Variants in DMRT3 observed in about 807,000 individuals in gnomAD.
The protein encoded by DMRT3 is doublesex and mab-3 related transcription factor 3.
A neutral mutation model predicts 34.9 loss-of-function variants in DMRT3; 29 were observed. That is an observed-to-expected ratio of 0.83 (90% confidence interval 0.62 to 1.13). The LOEUF (loss-of-function observed/expected upper bound fraction) is 1.13, where lower values mean the gene tolerates loss of function less well. Among genes scored for constraint, DMRT3 ranks in the 50% most tolerant of loss-of-function variants. DMRT3 has a pLI of 0.00. For synonymous variants in DMRT3, 350 were observed against 286.0 expected (o/e 1.22, Z -2.26); for missense variants, 772 against 629.1 (o/e 1.23, Z -2.43).
rs1188130148 is a variant in DMRT3, at chr9:976,744, G to C, written c.-258G>C. 6.6e-6 allele frequency among the ~76,000 whole-genome samples: 1 copy of C among 152,180 alleles called. No homozygotes were observed. The highest frequency in any genetic ancestry group is 1.5e-5 in the Non-Finnish European group (1 of 68,020). The stretch of plus-strand genomic sequence containing the variant: ...TCCGCGAAGGAGGACGTGCCGACCC[G>C]GCTGCGCGCCCAAGGCAGAGGCCCG... On this transcript the variant is annotated 5_prime_UTR_variant, in exon 1 of 2. Coordinates refer to ENST00000190165, the MANE Select transcript of DMRT3 (RefSeq NM_021240.4). This position sits in a 1 kb window ranked among gnomAD's most constrained non-coding sequence, Gnocchi z 4.5.
intron 1 of DMRT3, among the ~76,000 whole-genome samples, chr9:979,362 G>A (rs1362471553): frequency 6.6e-6 from 1 of 152,180 alleles, no homozygotes; most frequent in Non-Finnish European, 1.5e-5. Context: ...GCAGAGCTGT[G>A]CTGTTTTACT....
At chr9:988,499 G>A (rs1190842578) in intron 1 of DMRT3, among the ~76,000 whole-genome samples, 2 of 152,208 alleles carry the variant, frequency 1.3e-5, no homozygotes, top group Non-Finnish European at 2.9e-5. Context: ...AATAACAAGT[G>A]TAGGAGAAGA....
At chr9:981,011 G>A (rs1001348600) in intron 1 of DMRT3, among the ~76,000 whole-genome samples, 1 of 151,988 alleles carries the variant, frequency 6.6e-6, no homozygotes, top group African/African-American at 2.4e-5. Context: ...GCTTTTAAAA[G>A]GAAAAAGAAA....
chr9:988,005 A>T (rs1820306368), intron 1 of DMRT3, among the ~76,000 whole-genome samples: 2 of 152,252 alleles, frequency 1.3e-5, no homozygotes, highest in South Asian at 4.1e-4. Flanking sequence ...AAGTAAATCT[A>T]TAGAAGCCTT....
At position 990,550 on chromosome 9, in the gene DMRT3, C is replaced by A. The variant is rs144754138; in HGVS notation, c.964C>A (p.Pro322Thr). The A allele has an allele frequency of 6.2e-7, 1 of 1,613,972 alleles. No individual in the cohort carries two copies. Among genetic ancestry groups the A allele is most frequent in the African/African-American group, 1.3e-5 (1 of 74,898 alleles). Residue 322 changes from proline to threonine, a missense_variant, in exon 2 of 2, where the codon CCC (proline) becomes ACC (threonine). Pro to Thr is a conservative substitution (Grantham distance 38). Coordinates refer to ENST00000190165, the MANE Select transcript of DMRT3 (RefSeq NM_021240.4). ...HIFEHTLSSY[P>T]ISSSKWSVGS... ...CTTTGAACACACCTTGAGCTCCTAC[C>A]CCATCTCGTCTTCCAAATGGTCTGT...
chr9:985,535 CA>C (rs1210144733), intron 1 of DMRT3, among the ~76,000 whole-genome samples: 1 of 152,184 alleles, frequency 6.6e-6, no homozygotes, highest in Non-Finnish European at 1.5e-5. Flanking sequence ...TATTAAATTA[CA>C]CTTTATCACT....
chr9:985,520 C>G (rs1241048699), intron 1 of DMRT3, among the ~76,000 whole-genome samples: 1 of 152,104 alleles, frequency 6.6e-6, no homozygotes, highest in Non-Finnish European at 1.5e-5. Flanking sequence ...TAAAGAAGTA[C>G]CTGTTATTAA....
At chr9:989,802 A>G (rs1820329724) in intron 1 of DMRT3, 2 of 448,262 alleles carry the variant, frequency 4.5e-6, no homozygotes, top group Non-Finnish European at 7.8e-6. Flanking sequence ...GTTGAAGGCA[A>G]GCTTCCTTGC....
Position 990,351 on chromosome 9 carries a change from A to G in DMRT3, c.765A>G (p.Leu255=), listed in dbSNP as rs2130076789. The G allele has an allele frequency of 6.2e-7, 1 of 1,613,852 alleles. No individual in the cohort carries two copies. The part of the protein sequence containing the change: ...LKANRPPLEV[L]KKIFPNQKPT... Reference sequence around the variant, plus strand: ...CCAACAGACCGCCGCTTGAAGTGTTAAAAAAGATATTCCCCAACCAGAAGC... The same window carrying G: ...CCAACAGACCGCCGCTTGAAGTGTTGAAAAAGATATTCCCCAACCAGAAGC... The change falls in exon 2 of 2, where the codon TTA becomes TTG. Residue 255 remains leucine, a synonymous_variant. Transcript: ENST00000190165.
chr9:989,086 C>CT (rs1464922118), intron 1 of DMRT3, among the ~76,000 whole-genome samples: 4 of 152,070 alleles, frequency 2.6e-5, no homozygotes. Flanking sequence ...TTTGGGAAGC[C>CT]TTTTTTTCCC....
intron 1 of DMRT3, among the ~76,000 whole-genome samples, chr9:980,456 C>T (rs1433543448): frequency 2.4e-5 from 3 of 122,932 alleles, no homozygotes; most frequent in South Asian, 5.8e-4. Context: ...TTACCATCTA[C>T]GATGGACCTG....
At position 977,063 on chromosome 9, in the gene DMRT3, C is replaced by T; in HGVS notation, c.62C>T (p.Ala21Val). Reference protein sequence around the residue: ...MGGPVSQPPRAPLQRTPKCAR... With the variant: ...MGGPVSQPPRVPLQRTPKCAR... ...GGCCCGGTGTCGCAGCCGCCACGGG[C>T]GCCCCTGCAGCGCACGCCCAAGTGC... The change falls in exon 1 of 2, where the codon GCG becomes GTG. Residue 21 changes from alanine (A) to valine (V), a missense_variant. Coordinates refer to ENST00000190165, the MANE Select transcript of DMRT3 (RefSeq NM_021240.4). 1 of 1,579,128 alleles carries T rather than the reference C, an allele frequency of 6.3e-7. No individual in the cohort carries two copies. The highest frequency in any genetic ancestry group is 8.6e-7 in the Non-Finnish European group (1 of 1,164,150).
At chr9:981,740 G>A (rs1041169528) in intron 1 of DMRT3, among the ~76,000 whole-genome samples, 2 of 152,308 alleles carry the variant, frequency 1.3e-5, no homozygotes, top group Admixed American at 6.5e-5. Flanking sequence ...AGGGGGCAGC[G>A]GCTCCTTGCG....
At chr9:977,656 C>T (rs1189126016) in intron 1 of DMRT3, among the ~76,000 whole-genome samples, 1 of 152,174 alleles carries the variant, frequency 6.6e-6, no homozygotes. Flanking sequence ...GTGGCACTCG[C>T]GCCCGCAGGG....
intron 1 of DMRT3, 161 bp from the exon 2 acceptor site, chr9:989,880 A>T: frequency 1.2e-6 from 1 of 821,110 alleles, no homozygotes. Context: ...TTCATTTGCC[A>T]GTGATATAGT....
rs187232709 is a variant in DMRT3 at position 976,805 on chromosome 9, G to A, written c.-197G>A. On this transcript the variant is annotated 5_prime_UTR_variant, in exon 1 of 2. Transcript: ENST00000190165. This position sits in a 1 kb window ranked among gnomAD's most constrained non-coding sequence, Gnocchi z 4.5. ...GGCTGGGCGTGAGCTGGGAGGCCGA[G>A]CTGTGAGCGCGAAGGGAGCTGGAGA... 6.6e-6 allele frequency among the ~76,000 whole-genome samples: 1 copy of A among 152,302 alleles called. No homozygotes were observed. The highest frequency in any genetic ancestry group is 1.9e-4 in the East Asian group (1 of 5,162).
At chr9:980,033 G>A (rs1365513774) in intron 1 of DMRT3, among the ~76,000 whole-genome samples, 2 of 152,202 alleles carry the variant, frequency 1.3e-5, no homozygotes, top group Non-Finnish European at 1.5e-5. Flanking sequence ...ACTTTGAAAT[G>A]TGGTTAGTCT....
At chr9:988,018 T>G (rs1381760443) in intron 1 of DMRT3, among the ~76,000 whole-genome samples, 1 of 152,222 alleles carries the variant, frequency 6.6e-6, no homozygotes, top group East Asian at 1.9e-4. Flanking sequence ...GAAGCCTTTT[T>G]GTTGCTGTTT....
intron 1 of DMRT3, among the ~76,000 whole-genome samples, chr9:977,823 G>C (rs994753402): frequency 2.0e-5 from 3 of 152,196 alleles, no homozygotes; most frequent in African/African-American, 7.2e-5. Flanking sequence ...CACTACGGTG[G>C]GGTCGGATTT....
Sources: allele counts gnomAD v4.1 joint callset (sites outside exome capture counted in the v4.1 genomes callset), GRCh38; gene constraint gnomAD v4.1.1; non-coding constraint Gnocchi (gnomAD v3.1); transcripts MANE v1.5; gene names NCBI Gene and HGNC (gene_info 2026-07-23, HGNC 2026-07-21).